The following FANCB variants were observed in gnomAD, a reference collection of about 807,000 sequenced individuals.
The protein encoded by FANCB is FA complementation group B.
A neutral mutation model predicts 38.9 loss-of-function variants in FANCB; 5 were observed. The ratio of observed to expected loss-of-function variants is 0.13; its 90% CI spans 0.07 to 0.27. The LOEUF (loss-of-function observed/expected upper bound fraction) is 0.27. Ranked by LOEUF, FANCB falls within the 10% of genes least tolerant of loss-of-function variation. The pLI, the probability that FANCB is intolerant of heterozygous loss-of-function variation, is 1.00. For missense variants in FANCB, 573 were observed against 602.7 expected (o/e 0.95, Z 0.52); for synonymous variants, 236 against 215.4 (o/e 1.10, Z -0.84).
At chrX:14,848,492 T>C (rs1367753374) in intron 7 of FANCB, among the ~76,000 whole-genome samples, 1 of 111,938 alleles carries the variant, frequency 8.9e-6, no homozygotes, top group African/African-American at 3.3e-5. Flanking sequence ...TCTTTAGGGT[T>C]AAGGCATACT....
At chrX:14,710,327 G>C in the FANCB span, among the ~76,000 whole-genome samples, 1 of 112,119 alleles carries the variant, frequency 8.9e-6, no homozygotes, top group African/African-American at 3.2e-5. Flanking sequence ...GGGAAAGAAA[G>C]CAGTGGCTAT....
chrX:14,843,915 G>A lies in FANCB; in HGVS notation c.2232C>T (p.Leu744=). 2.5e-6 allele frequency: 3 copies of A among 1,201,810 alleles called. No individual in the cohort carries two copies. Among genetic ancestry groups the A allele is most frequent in the Non-Finnish European group, 3.4e-6 (3 of 887,764 alleles). ...TCTCACTTCCTGATTTTAGATTTTT[G>A]AGGAAACAGTTTATAGGGAGAATTC... ...LIRILPINCF[L]KNLKSGSENF... is the part of the protein sequence containing the mutation. Residue 744 remains leucine, a synonymous_variant, in exon 10 of 10, where the codon CTC becomes CTT. Transcript: ENST00000650831.
At chrX:14,775,362 T>C in the FANCB span, among the ~76,000 whole-genome samples, 1 of 110,599 alleles carries the variant, frequency 9.0e-6, no homozygotes, top group African/African-American at 3.3e-5. Context: ...CCAGGCATTG[T>C]GGGACAAAAG....
intron 5 of FANCB, among the ~76,000 whole-genome samples, chrX:14,857,613 C>T (rs999624446): frequency 9.0e-6 from 1 of 111,565 alleles, no homozygotes; most frequent in African/African-American, 3.3e-5. Flanking sequence ...AAGTGAGCTG[C>T]TTCTATTTTG....
At chrX:14,709,575 G>A in the FANCB span, among the ~76,000 whole-genome samples, 4 of 111,816 alleles carry the variant, frequency 3.6e-5, no homozygotes, top group East Asian at 2.9e-4. Context: ...CAAGAGTTGC[G>A]TATAAGAAGC....
chrX:14,706,100 G>C, the FANCB span, among the ~76,000 whole-genome samples: 1 of 42,658 alleles, frequency 2.3e-5, no homozygotes, highest in Admixed American at 1.9e-4. Flanking sequence ...TTTAGGTGTA[G>C]AGCCCAGACA....
At chrX:14,696,118 G>A in the FANCB span, among the ~76,000 whole-genome samples, 17 of 106,553 alleles carry the variant, frequency 1.6e-4, no homozygotes, top group East Asian at 3.0e-3. Flanking sequence ...GGAGTTGAAA[G>A]AAGAGAATGT....
At chrX:14,732,340 AAT>A in the FANCB span, among the ~76,000 whole-genome samples, 1 of 111,978 alleles carries the variant, frequency 8.9e-6, no homozygotes, top group Admixed American at 9.5e-5. Context: ...TGCTGCAATA[AAT>A]ATATGTGTGC....
At chrX:14,765,145 A>T in the FANCB span, among the ~76,000 whole-genome samples, 1 of 111,552 alleles carries the variant, frequency 9.0e-6, no homozygotes, top group Admixed American at 9.5e-5. Context: ...TGTTTCCCAT[A>T]ATTTGGTAAC....
chrX:14,689,567 C>A, the FANCB span, among the ~76,000 whole-genome samples: 1 of 111,721 alleles, frequency 9.0e-6, no homozygotes, highest in Non-Finnish European at 1.9e-5. Context: ...CTTTTGTTAC[C>A]TTGGATAATA....
chrX:14,763,766 T>C, the FANCB span, among the ~76,000 whole-genome samples: 3 of 112,032 alleles, frequency 2.7e-5, no homozygotes, highest in Admixed American at 9.5e-5. Flanking sequence ...AGTTCTTTTC[T>C]AAACTCTTAG....
the FANCB span, among the ~76,000 whole-genome samples, chrX:14,714,695 T>TAA: frequency 1.8e-5 from 2 of 112,389 alleles, no homozygotes; most frequent in Admixed American, 9.4e-5. Flanking sequence ...ATGAGGCTTG[T>TAA]AAAAATAACA....
chrX:14,744,357 T>TA, the FANCB span, among the ~76,000 whole-genome samples: 1 of 112,355 alleles, frequency 8.9e-6, no homozygotes, highest in African/African-American at 3.2e-5. Flanking sequence ...GAACAATAAC[T>TA]AGTCCATAAG....
chrX:14,854,184 G>A (rs765884249), intron 5 of FANCB, among the ~76,000 whole-genome samples: 40 of 111,555 alleles, frequency 3.6e-4, no homozygotes, highest in Admixed American at 8.6e-4. Context: ...GGATGCACAT[G>A]ATTCACACTC....
At chrX:14,794,224 G>A in the FANCB span, among the ~76,000 whole-genome samples, 2 of 111,537 alleles carry the variant, frequency 1.8e-5, no homozygotes, top group African/African-American at 6.5e-5. Flanking sequence ...CTTAGAGGCA[G>A]AATCAACAGA....
chrX:14,826,615 T>C, the FANCB span, among the ~76,000 whole-genome samples: 1 of 112,757 alleles, frequency 8.9e-6, no homozygotes, highest in East Asian at 2.8e-4. Context: ...CTGTTAACTA[T>C]TTTTAAGTTT....
chrX:14,859,399 T>A (rs1030317250), intron 3 of FANCB, 65 bp from the exon 4 acceptor site: 3 of 815,672 alleles, frequency 3.7e-6, no homozygotes, highest in Middle Eastern at 3.0e-4. Flanking sequence ...ATAAATAAAT[T>A]AAGTCCTTTT....
chrX:14,849,150 T>C (rs771026624), intron 7 of FANCB, among the ~76,000 whole-genome samples: 1 of 112,093 alleles, frequency 8.9e-6, no homozygotes, highest in South Asian at 3.7e-4. Flanking sequence ...TCAAGAAAAT[T>C]TCAAGCCAAT....
At chrX:14,731,822 A>C in the FANCB span, 1 of 111,769 alleles carries the variant, frequency 8.9e-6, no homozygotes, top group South Asian at 3.7e-4. Flanking sequence ...ACTTCTCTAG[A>C]GGCTTTCGTT....
Sources: allele counts gnomAD v4.1 joint callset (sites outside exome capture counted in the v4.1 genomes callset), GRCh38; gene constraint gnomAD v4.1.1; transcripts MANE v1.5; gene names NCBI Gene and HGNC (gene_info 2026-07-23, HGNC 2026-07-21).